PLPPR5: variants seen among roughly 807,000 people sequenced by gnomAD.
PLPPR5 encodes phospholipid phosphatase related 5, also known as phospholipid phosphatase-related protein type 5.
A neutral mutation model predicts 33.9 loss-of-function variants in PLPPR5; 16 were observed. The ratio of observed to expected loss-of-function variants is 0.47; its 90% confidence interval spans 0.32 to 0.72. The LOEUF is 0.72. PLPPR5 is among the 30% of genes least tolerant of loss of function. PLPPR5 has a pLI of 0.03. For synonymous variants in PLPPR5, 163 were observed against 150.3 expected (o/e 1.08, Z -0.62); for missense variants, 301 against 406.7 (o/e 0.74, Z 2.23).
In PLPPR5 at chr1:98,954,906, CAG is replaced by C. The variant is rs1650945936; in HGVS notation, c.371-1588_371-1587del. Among the ~76,000 whole-genome samples the C allele has an allele frequency of 2.6e-5, 4 of 151,940 alleles. No homozygotes were observed. The South Asian group carries it at 8.3e-4, about 31-fold the overall frequency. ...GTGTAACGGGTTTTCCTGTTTATAA[CAG>C]AGAGAAATATTTGATAAGAATGTGG... On this transcript the variant is annotated intron_variant, in intron 2 of 5. Coordinates refer to ENST00000263177, the MANE Select transcript of PLPPR5 (RefSeq NM_001037317.2).
At chr1:98,910,740 A>C (rs1649113493) in intron 5 of PLPPR5, among the ~76,000 whole-genome samples, 1 of 152,084 alleles carries the variant, frequency 6.6e-6, no homozygotes, top group South Asian at 2.1e-4. Context: ...CGCGCACATC[A>C]CACTCACCCA....
intron 4 of PLPPR5, among the ~76,000 whole-genome samples, chr1:98,916,945 A>G (rs926010935): frequency 1.3e-5 from 2 of 152,192 alleles, no homozygotes; most frequent in Non-Finnish European, 2.9e-5. Flanking sequence ...ATTATCAGAC[A>G]GTTCTCCGAG....
chr1:98,892,542 A>G lies in PLPPR5; in HGVS notation c.*530T>C, dbSNP rs1390221113. On this transcript the variant is annotated 3_prime_UTR_variant, in exon 6 of 6. Coordinates refer to ENST00000263177, the MANE Select transcript of PLPPR5 (RefSeq NM_001037317.2). ...TTTTACTATAGAACATACTTTCTAAAAATAAAGTAATTTCACACACTGAAA... is the reference window on the plus strand; with the variant it reads ...TTTTACTATAGAACATACTTTCTAAGAATAAAGTAATTTCACACACTGAAA... 6.8e-6 allele frequency: 1 copy of G among 146,718 alleles called. No individual in the cohort carries two copies. The highest frequency in any genetic ancestry group is 1.9e-4 in the East Asian group (1 of 5,156). 9.1% of individuals were successfully genotyped at this position (146,718 alleles called of 1,614,324 possible). A position where few individuals can be genotyped will look rare whatever the true frequency, so the allele number is the denominator to read the frequency against.
At chr1:98,962,567 T>G (rs1651285333) in intron 1 of PLPPR5, among the ~76,000 whole-genome samples, 1 of 152,218 alleles carries the variant, frequency 6.6e-6, no homozygotes, top group South Asian at 2.1e-4. Flanking sequence ...GAACTTGCCT[T>G]TGTGCTTCCA....
intron 1 of PLPPR5, among the ~76,000 whole-genome samples, chr1:98,994,134 G>A (rs1293622573): frequency 6.6e-6 from 1 of 151,850 alleles, no homozygotes; most frequent in East Asian, 1.9e-4. Flanking sequence ...CTCAAGGTAT[G>A]GTGCACATAG....
chr1:98,903,336 G>A (rs2101137936), intron 5 of PLPPR5, among the ~76,000 whole-genome samples: 1 of 152,112 alleles, frequency 6.6e-6, no homozygotes, highest in Non-Finnish European at 1.5e-5. Flanking sequence ...CAGTTCAGCA[G>A]CTCTGTAAAA....
intron 5 of PLPPR5, among the ~76,000 whole-genome samples, chr1:98,896,146 A>G (rs1276931593): frequency 6.6e-6 from 1 of 152,040 alleles, no homozygotes; most frequent in Non-Finnish European, 1.5e-5. Context: ...GGTACATTAT[A>G]CAACTTACAT....
chr1:98,901,661 T>C (rs1450940613), intron 5 of PLPPR5, among the ~76,000 whole-genome samples: 1 of 152,120 alleles, frequency 6.6e-6, no homozygotes, highest in African/African-American at 2.4e-5. Flanking sequence ...TTTTTGCCTA[T>C]AAGATTGTAA....
upstream of PLPPR5, among the ~76,000 whole-genome samples, chr1:99,005,602 T>G (rs1228181854): frequency 6.6e-6 from 1 of 152,136 alleles, no homozygotes; most frequent in Non-Finnish European, 1.5e-5. Flanking sequence ...CTGTCTTTAT[T>G]AGCTGCTTGT....
chr1:99,005,295 C>CCCATCAAGGCGCAAAGT (rs1653046157), upstream of PLPPR5, among the ~76,000 whole-genome samples: 1 of 152,136 alleles, frequency 6.6e-6, no homozygotes, highest in Admixed American at 6.5e-5. Flanking sequence ...GAGCGCAAAG[C>CCCATCAAGGCGCAAAGT]CCACCAAGGC....
In PLPPR5 at chr1:98,890,776, A is replaced by G. The variant is rs557902763; in HGVS notation, c.*2296T>C. On this transcript the variant is annotated 3_prime_UTR_variant, in exon 6 of 6. Coordinates refer to ENST00000263177, the MANE Select transcript of PLPPR5 (RefSeq NM_001037317.2). ...TGCCTTTTTCATCTGAATTTTCTTCATGACAGCATCACTCACTGTACAATC... is the reference window on the plus strand; with the variant it reads ...TGCCTTTTTCATCTGAATTTTCTTCGTGACAGCATCACTCACTGTACAATC... 1 of 152,614 alleles carries G rather than the reference A, an allele frequency of 6.6e-6. No individual in the cohort carries two copies. The highest frequency in any genetic ancestry group is 1.9e-4 in the East Asian group (1 of 5,174). 9.5% of individuals were successfully genotyped at this position (152,614 alleles called of 1,614,324 possible). A position where few individuals can be genotyped will look rare whatever the true frequency, so the allele number is the denominator to read the frequency against.
chr1:98,964,973 ATTT>A (rs566402306), intron 1 of PLPPR5, among the ~76,000 whole-genome samples: 1,285 of 121,418 alleles, frequency 0.011, 25 homozygotes, highest in African/African-American at 0.037. Context: ...TTAATTTTTG[ATTT>A]TTTTTTTTTT....
At chr1:98,958,886 T>C (rs1279234206) in intron 1 of PLPPR5, among the ~76,000 whole-genome samples, 1 of 152,118 alleles carries the variant, frequency 6.6e-6, no homozygotes, top group Admixed American at 6.5e-5. Flanking sequence ...GGCTGCCCTC[T>C]CAGCCTCCTC....
At chr1:98,959,737 C>T (rs568711059) in intron 1 of PLPPR5, among the ~76,000 whole-genome samples, 38 of 152,304 alleles carry the variant, frequency 2.5e-4, no homozygotes, top group African/African-American at 9.1e-4. Flanking sequence ...TTTTCCAAAC[C>T]TCAATTCCAA....
In PLPPR5 at chr1:98,953,394, T is replaced by TGTGTGA; in HGVS notation, c.371-75_371-74insTCACAC. 2.7e-6 allele frequency: 4 copies of TGTGTGA among 1,491,518 alleles called. No individual in the cohort carries two copies. In the Admixed American group the frequency reaches 7.8e-5, roughly 29 times the overall value. 92.4% of individuals were successfully genotyped at this position (1,491,518 alleles called of 1,614,324 possible). On this transcript the variant is annotated intron_variant, in intron 2 of 5. Coordinates refer to ENST00000263177, the MANE Select transcript of PLPPR5 (RefSeq NM_001037317.2). ...GTGTGTGTGTGTGTGTGTGTGTGTG[T>TGTGTGA]GAATTTCAGTTTACAATAAACCAAA...
chr1:98,899,418 G>T (rs576375254), intron 5 of PLPPR5, among the ~76,000 whole-genome samples: 69 of 152,294 alleles, frequency 4.5e-4, no homozygotes, highest in Middle Eastern at 6.8e-3. Context: ...TAAAGGTGAA[G>T]AAAGTGATTA....
At chr1:98,898,710 T>C (rs1213467027) in intron 5 of PLPPR5, among the ~76,000 whole-genome samples, 1 of 152,182 alleles carries the variant, frequency 6.6e-6, no homozygotes, top group Non-Finnish European at 1.5e-5. Context: ...AAAGCTATCA[T>C]GTGACAGAAC....
At chr1:98,987,100 T>C (rs190967682) in intron 1 of PLPPR5, among the ~76,000 whole-genome samples, 29 of 151,994 alleles carry the variant, frequency 1.9e-4, no homozygotes, top group Middle Eastern at 3.4e-3. Flanking sequence ...TGATATGTAA[T>C]ATTGTTTTGA....
At chr1:99,004,336 C>T in intron 1 of PLPPR5, 99 bp downstream of exon 1, 1 of 1,071,390 alleles carries the variant, frequency 9.3e-7, no homozygotes, top group Admixed American at 2.8e-5. Flanking sequence ...ACTTAGAAGG[C>T]AAAACCTACT....
Sources: allele counts gnomAD v4.1 joint callset (sites outside exome capture counted in the v4.1 genomes callset), GRCh38; gene constraint gnomAD v4.1.1; transcripts MANE v1.5; gene names NCBI Gene and HGNC (gene_info 2026-07-23, HGNC 2026-07-21).